The following AGR3 variants were observed in gnomAD, a reference collection of about 807,000 sequenced individuals.
The protein encoded by AGR3 is anterior gradient 3, protein disulphide isomerase family member, also known as anterior gradient protein 3.
Under a neutral mutation model 24.5 loss-of-function variants are expected in AGR3, and 37 were observed. That is an observed-to-expected ratio of 1.51 (90% CI 1.16 to 1.99). AGR3 has a LOEUF of 1.99. AGR3 is among the 30% of genes most tolerant of loss of function. The probability of loss-of-function intolerance (pLI) is 0.00; values close to 1 mark genes in which losing one functional copy is unlikely to be tolerated. For missense variants in AGR3, 228 were observed against 191.1 expected (o/e 1.19, Z -1.14); for synonymous variants, 75 against 61.6 (o/e 1.22, Z -1.02).
rs913659040 is a variant in AGR3 at position 16,864,471 on chromosome 7, A to T, written c.174-1809T>A. ...CTCCGTTAAGCTGGGCTTCATCTCC[A>T]CTGTCAGGGTCGATCATTCCATGTT... is the stretch of plus-strand genomic sequence containing the variant. On this transcript the variant is annotated intron_variant, in intron 3 of 7. Coordinates refer to ENST00000310398, the MANE Select transcript of AGR3 (RefSeq NM_176813.5). The T allele has an allele frequency of 2.4e-6, 3 of 1,269,724 alleles. No homozygotes were observed. In the South Asian group the frequency reaches 3.6e-5, roughly 15 times the overall value. 78.7% of individuals were successfully genotyped at this position (1,269,724 alleles called of 1,614,324 possible).
chr7:16,864,526 C>T, intron 3 of AGR3: 1 of 1,303,780 alleles, frequency 7.7e-7, no homozygotes, highest in Non-Finnish European at 1.1e-6. Flanking sequence ...CATTTTCAGT[C>T]TTCCGAAGTG....
intron 1 of AGR3, among the ~76,000 whole-genome samples, chr7:16,880,089 T>TTCCTTCCTTCCCCTTCCTTCTTTCCCCC (rs1782078124): frequency 1.0e-5 from 1 of 96,750 alleles, no homozygotes; most frequent in Non-Finnish European, 1.9e-5. Flanking sequence ...TTCTTTCCCC[T>TTCCTTCCTTCCCCTTCCTTCTTTCCCCC]TCCTTCCTTC....
intron 3 of AGR3, among the ~76,000 whole-genome samples, chr7:16,869,729 T>C (rs1019455190): frequency 2.0e-5 from 3 of 151,344 alleles, no homozygotes; most frequent in Non-Finnish European, 4.4e-5. Flanking sequence ...TTTAATCCAT[T>C]GAGTCACTCT....
chr7:16,871,867 A>G (rs1781872425), intron 3 of AGR3, among the ~76,000 whole-genome samples: 1 of 151,850 alleles, frequency 6.6e-6, no homozygotes, highest in African/African-American at 2.4e-5. Flanking sequence ...AACAAAAACC[A>G]CACACACACA....
At chr7:16,880,306 G>A (rs1270179030) in intron 1 of AGR3, among the ~76,000 whole-genome samples, 1 of 151,374 alleles carries the variant, frequency 6.6e-6, no homozygotes, top group Non-Finnish European at 1.5e-5. Flanking sequence ...GACTACAGGT[G>A]TCCACCATCA....
intron 3 of AGR3, chr7:16,865,975 T>C (rs1781751473): frequency 1.5e-6 from 1 of 677,334 alleles, no homozygotes. Context: ...TTTCAACTTC[T>C]TCAATTATCT....
At chr7:16,869,673 GT>G (rs71007797) in intron 3 of AGR3, among the ~76,000 whole-genome samples, 35,535 of 125,684 alleles carry the variant, frequency 0.28, 4,712 homozygotes, top group South Asian at 0.4. Flanking sequence ...TTGTGAGTTT[GT>G]TTTTTTTTTT....
At chr7:16,861,919 A>G (rs1433393624) in intron 5 of AGR3, 65 bp downstream of exon 5, 2 of 1,399,044 alleles carry the variant, frequency 1.4e-6, no homozygotes, top group East Asian at 2.3e-5. Context: ...AAAAAAAAAG[A>G]AAAAAACGGA....
downstream of AGR3, among the ~76,000 whole-genome samples, chr7:16,854,825 A>G (rs1392406229): frequency 1.3e-5 from 2 of 152,110 alleles, no homozygotes; most frequent in African/African-American, 2.4e-5. Flanking sequence ...GACAACCTTG[A>G]GCATTCCTTG....
Position 16,872,731 on chromosome 7 carries a change from C to G in AGR3, c.173+1049G>C, listed in dbSNP as rs528930266. 4.6e-5 allele frequency among the ~76,000 whole-genome samples: 7 copies of G among 152,176 alleles called. 1 individual carries two copies. The South Asian group carries it at 1.5e-3, about 32-fold the overall frequency. On this transcript the variant is annotated intron_variant, in intron 3 of 7. Coordinates refer to ENST00000310398, the MANE Select transcript of AGR3 (RefSeq NM_176813.5). ...GACATGGGCCTATATCTAGAATATA[C>G]AAGGAACTCAAACAACTCAACAACA...
intron 3 of AGR3, among the ~76,000 whole-genome samples, chr7:16,869,900 G>A (rs1781832808): frequency 6.6e-6 from 1 of 151,644 alleles, no homozygotes; most frequent in African/African-American, 2.4e-5. Flanking sequence ...TTTTCAGAAT[G>A]TTCCTAACTA....
chr7:16,879,577 A>G (rs1204680849), intron 1 of AGR3, among the ~76,000 whole-genome samples: 1 of 152,256 alleles, frequency 6.6e-6, no homozygotes, highest in East Asian at 1.9e-4. Context: ...ATATACAGAC[A>G]TCATTCACAT....
intron 5 of AGR3, 102 bp downstream of exon 5, chr7:16,861,882 C>T: frequency 9.6e-7 from 1 of 1,038,900 alleles, no homozygotes; most frequent in Admixed American, 2.9e-5. Flanking sequence ...GCCTGGGTGA[C>T]AGAGCGAGAC....
At chr7:16,862,551 T>C in intron 4 of AGR3, 59 bp downstream of exon 4, 1 of 1,152,066 alleles carries the variant, frequency 8.7e-7, no homozygotes, top group Non-Finnish European at 1.2e-6. Flanking sequence ...CAGGTCACTT[T>C]TCCTATTTTA....
At chr7:16,870,763 A>AT (rs1781849488) in intron 3 of AGR3, among the ~76,000 whole-genome samples, 1 of 152,062 alleles carries the variant, frequency 6.6e-6, no homozygotes, top group Non-Finnish European at 1.5e-5. Flanking sequence ...GTCAGGGTAT[A>AT]TTTTTAAATG....
chr7:16,866,286 G>C (rs1178030828), intron 3 of AGR3: 1 of 547,698 alleles, frequency 1.8e-6, no homozygotes, highest in African/African-American at 1.9e-5. Flanking sequence ...AGATATCTTT[G>C]GTCTAAGAAA....
rs570677838 is a variant in AGR3, at chr7:16,863,318, T to C, written c.174-656A>G. ...GAAAGTCAAAGACTTTTACATTTAGTTTTTTAAAAAGTTTTTACAAAAAAG... is the reference window on the plus strand; with the variant it reads ...GAAAGTCAAAGACTTTTACATTTAGCTTTTTAAAAAGTTTTTACAAAAAAG... On this transcript the variant is annotated intron_variant, in intron 3 of 7. Transcript: ENST00000310398. Among the ~76,000 whole-genome samples, 6 of 152,314 alleles carry C rather than the reference T, an allele frequency of 3.9e-5. No individual in the cohort carries two copies. In the South Asian group the frequency reaches 1.2e-3, roughly 32 times the overall value.
chr7:16,862,797 T>C lies in AGR3; in HGVS notation c.174-135A>G, dbSNP rs1781675427. The C allele has an allele frequency of 6.7e-6, 4 of 598,918 alleles. No individual in the cohort carries two copies. The Admixed American group carries it at 1.3e-4, about 19-fold the overall frequency. 37.1% of individuals were successfully genotyped at this position (598,918 alleles called of 1,614,324 possible). Reference sequence around the variant, plus strand: ...CTCAGATTTACAAATCATAGCACTATAGTCAATAGCAGTGTTACTCTATTT... The same window carrying C: ...CTCAGATTTACAAATCATAGCACTACAGTCAATAGCAGTGTTACTCTATTT... On this transcript the variant is annotated intron_variant, in intron 3 of 7. Transcript: ENST00000310398.
chr7:16,864,549 G>A (rs1415055777), intron 3 of AGR3: 1 of 1,357,684 alleles, frequency 7.4e-7, no homozygotes, highest in African/African-American at 1.4e-5. Context: ...GCTTCAGAGG[G>A]AGCCTTCCAA....
Sources: allele counts gnomAD v4.1 joint callset (sites outside exome capture counted in the v4.1 genomes callset), GRCh38; gene constraint gnomAD v4.1.1; transcripts MANE v1.5; gene names NCBI Gene and HGNC (gene_info 2026-07-23, HGNC 2026-07-21).